The following RALYL variants were observed in gnomAD, a reference collection of about 807,000 sequenced individuals.
RALYL encodes RNA-binding Raly-like protein.
RALYL carries 29 observed loss-of-function variants against 35.1 expected under a neutral mutation model. The observed-to-expected ratio is 0.83, with a 90% CI of 0.61 to 1.13. RALYL has a LOEUF of 1.13. Among genes scored for constraint, RALYL ranks in the 50% most tolerant of loss-of-function variants. The pLI is 0.00. For synonymous variants in RALYL, 120 were observed against 127.6 expected (o/e 0.94, Z 0.40); for missense variants, 359 against 360.4 (o/e 1.00, Z 0.03).
intron 2 of RALYL, among the ~76,000 whole-genome samples, chr8:84,655,058 A>G (rs1377991024): frequency 2.0e-5 from 3 of 152,112 alleles, no homozygotes; most frequent in Non-Finnish European, 4.4e-5. Flanking sequence ...ATTCTCACCA[A>G]CAGTGCACGA....
intron 1 of RALYL, among the ~76,000 whole-genome samples, chr8:84,242,918 G>C (rs1828275250): frequency 6.6e-6 from 1 of 152,084 alleles, no homozygotes; most frequent in East Asian, 1.9e-4. Flanking sequence ...TTTTGCCTGT[G>C]CTATGTTCTG....
intron 2 of RALYL, among the ~76,000 whole-genome samples, chr8:84,699,948 A>G (rs1294311570): frequency 6.6e-6 from 1 of 152,206 alleles, no homozygotes; most frequent in African/African-American, 2.4e-5. Flanking sequence ...ACTTTTAAGT[A>G]TAATCGCTAG....
intron 2 of RALYL, among the ~76,000 whole-genome samples, chr8:84,682,199 C>T (rs1835692565): frequency 6.6e-6 from 1 of 152,110 alleles, no homozygotes; most frequent in African/African-American, 2.4e-5. Flanking sequence ...CCCACTTGAT[C>T]ATGGTGGATA....
At chr8:84,269,860 T>C (rs1833976368) in intron 1 of RALYL, among the ~76,000 whole-genome samples, 2 of 152,146 alleles carry the variant, frequency 1.3e-5, no homozygotes, top group Admixed American at 6.6e-5. Context: ...TATAGAAGTT[T>C]AGTTGAAACT....
At chr8:84,763,429 T>C (rs1417966398) in intron 2 of RALYL, among the ~76,000 whole-genome samples, 4 of 152,206 alleles carry the variant, frequency 2.6e-5, no homozygotes, top group Admixed American at 2.0e-4. Context: ...TAGTGCTAAG[T>C]CTGTTCACTA....
chr8:84,293,052 T>C (rs948712880), intron 1 of RALYL, among the ~76,000 whole-genome samples: 3 of 152,270 alleles, frequency 2.0e-5, no homozygotes, highest in Middle Eastern at 3.4e-3. Flanking sequence ...ACTTCAGTAT[T>C]ACATTTGAAT....
chr8:84,701,563 G>A (rs1447349891), intron 2 of RALYL, among the ~76,000 whole-genome samples: 1 of 152,140 alleles, frequency 6.6e-6, no homozygotes, highest in Non-Finnish European at 1.5e-5. Context: ...TACTCCGAGT[G>A]AGCTAATAAT....
chr8:84,888,721 A>G (rs112327838), intron 8 of RALYL, among the ~76,000 whole-genome samples: 321 of 152,242 alleles, frequency 2.1e-3, no homozygotes, highest in African/African-American at 7.2e-3. Context: ...GTTAAAATTT[A>G]TGGCACCTTT....
intron 1 of RALYL, among the ~76,000 whole-genome samples, chr8:84,207,763 A>G (rs1818395880): frequency 1.3e-5 from 2 of 151,504 alleles, no homozygotes; most frequent in South Asian, 4.2e-4. Context: ...GGTAATGGGT[A>G]TTTTAATTAC....
Position 84,921,043 on chromosome 8 carries a change from G to T in RALYL, c.*132G>T. ...ATATAAAAACCCAAATAAATAAAAT[G>T]GACAGTATTGCTCAGTTTTAGAAAT... On this transcript the variant is annotated 3_prime_UTR_variant, in exon 9 of 9. Coordinates refer to ENST00000521268, the MANE Select transcript of RALYL (RefSeq NM_173848.7). The T allele has an allele frequency of 2.0e-6, 1 of 495,010 alleles. No homozygotes were observed. The allele number at this position is 495,010 out of a possible 1,614,324, so 30.7% of individuals were successfully genotyped here. A position where few individuals can be genotyped will look rare whatever the true frequency, so the allele number is the denominator to read the frequency against.
At chr8:84,683,487 G>T (rs1198711953) in intron 2 of RALYL, among the ~76,000 whole-genome samples, 1 of 152,128 alleles carries the variant, frequency 6.6e-6, no homozygotes, top group Non-Finnish European at 1.5e-5. Context: ...AAGTCTATTT[G>T]TAGGTCTCTA....
At position 84,354,270 on chromosome 8, in the gene RALYL, T is replaced by G. The variant is rs1390081004; in HGVS notation, c.-24+169846T>G. ...GAACTAAATGTATTTGGCAAATTTG[T>G]AACCCAATTCTGGGATGCAACTCTT... On this transcript the variant is annotated intron_variant, in intron 1 of 8. Coordinates refer to ENST00000521268, the MANE Select transcript of RALYL (RefSeq NM_173848.7). Among the ~76,000 whole-genome samples, 3 of 150,402 alleles carry G rather than the reference T, an allele frequency of 2.0e-5. 1 individual carries two copies. The highest frequency in any genetic ancestry group is 7.4e-5 in the African/African-American group (3 of 40,426).
At chr8:84,387,349 G>T (rs972557433) in intron 1 of RALYL, among the ~76,000 whole-genome samples, 2 of 151,748 alleles carry the variant, frequency 1.3e-5, no homozygotes, top group Admixed American at 1.3e-4. Flanking sequence ...TTCTCATCTT[G>T]TGGTTTGATT....
At chr8:84,637,332 A>G (rs1363528630) in intron 2 of RALYL, among the ~76,000 whole-genome samples, 5 of 151,850 alleles carry the variant, frequency 3.3e-5, no homozygotes, top group African/African-American at 1.2e-4. Context: ...AGTTGTTCAT[A>G]GTAGAGGAAG....
intron 2 of RALYL, among the ~76,000 whole-genome samples, chr8:84,579,194 G>C (rs1810250300): frequency 6.6e-6 from 1 of 152,202 alleles, no homozygotes; most frequent in Non-Finnish European, 1.5e-5. Context: ...GCAGGAGGCA[G>C]TCTTGTTGGC....
At chr8:84,665,229 T>C (rs1369686204) in intron 2 of RALYL, among the ~76,000 whole-genome samples, 1 of 152,134 alleles carries the variant, frequency 6.6e-6, no homozygotes, top group Admixed American at 6.6e-5. Flanking sequence ...CAGTATTTTG[T>C]TGAGGATTTT....
At chr8:84,914,842 T>C (rs1446569799) in intron 8 of RALYL, among the ~76,000 whole-genome samples, 1 of 152,014 alleles carries the variant, frequency 6.6e-6, no homozygotes, top group Non-Finnish European at 1.5e-5. Context: ...TTTCCACTAA[T>C]TCCATCCCTT....
intron 1 of RALYL, among the ~76,000 whole-genome samples, chr8:84,321,355 A>C (rs1844768673): frequency 6.6e-6 from 1 of 152,114 alleles, no homozygotes; most frequent in African/African-American, 2.4e-5. Context: ...GCCATGCTGA[A>C]ATCTAGAGAG....
chr8:84,308,595 C>T (rs1242470437), intron 1 of RALYL, among the ~76,000 whole-genome samples: 1 of 152,072 alleles, frequency 6.6e-6, no homozygotes, highest in Non-Finnish European at 1.5e-5. Context: ...GTAATAACTT[C>T]CAGTAGTCAA....
Sources: gnomAD v4.1 joint callset for allele counts (sites outside exome capture counted in the v4.1 genomes callset) on GRCh38, gnomAD v4.1.1 for gene constraint, MANE v1.5 for transcripts, NCBI Gene and HGNC (gene_info 2026-07-23, HGNC 2026-07-21) for gene names.